Variants in SORBS2 observed in about 807,000 individuals in gnomAD.
The protein encoded by SORBS2 is sorbin and SH3 domain-containing protein 2.
SORBS2 carries 46 observed loss-of-function variants against 97.7 expected under a neutral mutation model. That is an observed-to-expected ratio of 0.47 (90% confidence interval 0.37 to 0.60). The LOEUF (loss-of-function observed/expected upper bound fraction) is 0.60. SORBS2 is among the 20% of genes least tolerant of loss of function. SORBS2 has a pLI of 0.00. For synonymous variants in SORBS2, 476 were observed against 473.4 expected, an observed-to-expected ratio of 1.01 and a Z score of -0.07; for missense variants, 1,316 against 1,282.3, an observed-to-expected ratio of 1.03 and a Z score of -0.40.
chr4:185,731,571 T>C, intron 2 of SORBS2, among the ~76,000 whole-genome samples: 1 of 104,220 alleles, frequency 9.6e-6, no homozygotes, highest in African/African-American at 4.2e-5. Flanking sequence ...TGCCTATCTC[T>C]CTCCTTCCCT....
At chr4:185,922,175 T>C (rs917974545) in intron 1 of SORBS2, among the ~76,000 whole-genome samples, 3 of 152,230 alleles carry the variant, frequency 2.0e-5, no homozygotes, top group Admixed American at 6.5e-5. Flanking sequence ...ACAGTCGTGG[T>C]TAGCATAACT....
At chr4:185,789,895 TAA>T (rs1472294027) in intron 1 of SORBS2, among the ~76,000 whole-genome samples, 2 of 152,232 alleles carry the variant, frequency 1.3e-5, no homozygotes, top group African/African-American at 4.8e-5. Context: ...AGTTTGACCC[TAA>T]GTTTCTTCCT....
chr4:185,793,237 C>A (rs1051455370), intron 1 of SORBS2, among the ~76,000 whole-genome samples: 2 of 152,228 alleles, frequency 1.3e-5, no homozygotes, highest in Non-Finnish European at 2.9e-5. Context: ...ATGATGCATT[C>A]TCAAGCAAGT....
chr4:185,801,200 G>C (rs774616478), intron 1 of SORBS2, among the ~76,000 whole-genome samples: 1 of 152,142 alleles, frequency 6.6e-6, no homozygotes, highest in Non-Finnish European at 1.5e-5. Context: ...GTTGCAAATG[G>C]CAGGATTTTC....
chr4:185,766,833 C>T (rs1019657264), intron 2 of SORBS2, among the ~76,000 whole-genome samples: 1 of 152,158 alleles, frequency 6.6e-6, no homozygotes, highest in Admixed American at 6.5e-5. Context: ...CATGCAATGC[C>T]TTAAAAATAC....
At chr4:185,916,239 C>A (rs2099258090) in intron 1 of SORBS2, among the ~76,000 whole-genome samples, 1 of 152,128 alleles carries the variant, frequency 6.6e-6, no homozygotes, top group African/African-American at 2.4e-5. Context: ...GGACTTTGAT[C>A]CAAAATCATT....
At chr4:185,625,954 A>T (rs908470866) in intron 6 of SORBS2, among the ~76,000 whole-genome samples, 2 of 152,194 alleles carry the variant, frequency 1.3e-5, no homozygotes, top group Admixed American at 1.3e-4. Flanking sequence ...TTCTTTACAC[A>T]TTTCAAAATC....
chr4:185,771,592 C>T (rs1584538377), intron 2 of SORBS2: 1 of 152,336 alleles, frequency 6.6e-6, no homozygotes, highest in South Asian at 2.1e-4. Flanking sequence ...TCTACTAGGG[C>T]ATCCACTGCA....
At chr4:185,753,939 C>T (rs2098815877) in intron 2 of SORBS2, among the ~76,000 whole-genome samples, 1 of 152,152 alleles carries the variant, frequency 6.6e-6, no homozygotes, top group South Asian at 2.1e-4. Flanking sequence ...CCAGTAATCC[C>T]ATTATTGGGT....
intron 2 of SORBS2, among the ~76,000 whole-genome samples, chr4:185,719,306 G>C (rs1477752533): frequency 1.3e-5 from 2 of 152,176 alleles, no homozygotes; most frequent in African/African-American, 4.8e-5. Flanking sequence ...AATCAGACTT[G>C]CCGGTAGGTA....
intron 1 of SORBS2, among the ~76,000 whole-genome samples, chr4:185,937,360 A>G (rs995155744): frequency 1.3e-5 from 2 of 152,122 alleles, no homozygotes; most frequent in Non-Finnish European, 2.9e-5. Flanking sequence ...GATAGGTTCA[A>G]TTTTTCTTAA....
intron 1 of SORBS2, among the ~76,000 whole-genome samples, chr4:185,786,027 A>G (rs1561018258): frequency 6.6e-6 from 1 of 152,228 alleles, no homozygotes; most frequent in Non-Finnish European, 1.5e-5. Context: ...TTGATCTTCA[A>G]AAATATAGAG....
intron 1 of SORBS2, among the ~76,000 whole-genome samples, chr4:185,941,682 G>A (rs934098987): frequency 3.9e-5 from 6 of 152,134 alleles, no homozygotes; most frequent in African/African-American, 1.4e-4. Flanking sequence ...CTCAACACGA[G>A]TATGATTGCA....
chr4:185,894,983 G>C (rs2099244321), intron 1 of SORBS2, among the ~76,000 whole-genome samples: 1 of 152,214 alleles, frequency 6.6e-6, no homozygotes, highest in Admixed American at 6.5e-5. Context: ...ATGCTGCCAT[G>C]TATGGCCAGG....
rs115514113 is a variant in SORBS2, at chr4:185,801,406, A to G, written c.-337-26040T>C. ...GAGGAAACTCTGCACAATTTTTTACAATGTCTGTACCAATTTACATTCCCA... is the reference window on the plus strand; with the variant it reads ...GAGGAAACTCTGCACAATTTTTTACGATGTCTGTACCAATTTACATTCCCA... On this transcript the variant is annotated intron_variant, in intron 1 of 20. Transcript: ENST00000284776. 7.6e-3 allele frequency among the ~76,000 whole-genome samples: 1,156 copies of G among 152,288 alleles called. 18 individuals carry two copies. Among genetic ancestry groups the G allele is most frequent in the African/African-American group, 0.026 (1,090 of 41,546 alleles).
chr4:185,830,691 G>A (rs964254625), intron 1 of SORBS2, among the ~76,000 whole-genome samples: 2 of 152,154 alleles, frequency 1.3e-5, no homozygotes, highest in Non-Finnish European at 2.9e-5. Context: ...TCTTGGGTTG[G>A]TGCTGTTTGT....
At chr4:185,639,432 G>GA (rs1474813432) in intron 4 of SORBS2, among the ~76,000 whole-genome samples, 1 of 152,126 alleles carries the variant, frequency 6.6e-6, no homozygotes, top group Non-Finnish European at 1.5e-5. Flanking sequence ...TTTTTAAGAT[G>GA]AAAAAACTAG....
At chr4:185,896,892 CAAAAA>C (rs70962602) in intron 1 of SORBS2, among the ~76,000 whole-genome samples, 1 of 109,860 alleles carries the variant, frequency 9.1e-6, no homozygotes, top group Non-Finnish European at 1.9e-5. Flanking sequence ...TACACATGGC[CAAAAA>C]AAAAAAAAAA....
At chr4:185,946,802 C>T (rs535895471) in intron 1 of SORBS2, among the ~76,000 whole-genome samples, 2 of 152,312 alleles carry the variant, frequency 1.3e-5, no homozygotes, top group South Asian at 2.1e-4. Flanking sequence ...ATAAAACCTT[C>T]GGTTGGCTTT....
Sources: gnomAD v4.1 joint callset for allele counts (sites outside exome capture counted in the v4.1 genomes callset) on GRCh38, gnomAD v4.1.1 for gene constraint, MANE v1.5 for transcripts, NCBI Gene and HGNC (gene_info 2026-07-23, HGNC 2026-07-21) for gene names.